ATF7IP2: variants seen among roughly 807,000 people sequenced by gnomAD.
ATF7IP2 encodes the protein activating transcription factor 7-interacting protein 2.
Under a neutral mutation model 64.2 loss-of-function variants are expected in ATF7IP2, and 42 were observed. The ratio of observed to expected loss-of-function variants is 0.65; its 90% confidence interval spans 0.51 to 0.85. The LOEUF (loss-of-function observed/expected upper bound fraction) is 0.85, where lower values mean the gene tolerates loss of function less well. Among genes scored for constraint, ATF7IP2 ranks in the 40% least tolerant of loss-of-function variants. The probability of loss-of-function intolerance (pLI) is 0.00; values close to 1 mark genes in which losing one functional copy is unlikely to be tolerated. For synonymous variants in ATF7IP2, 308 were observed against 272.8 expected (o/e 1.13, Z -1.27); for missense variants, 933 against 784.2 (o/e 1.19, Z -2.27).
intron 9 of ATF7IP2, among the ~76,000 whole-genome samples, chr16:10,464,819 T>G (rs895036711): frequency 6.6e-6 from 1 of 152,114 alleles, no homozygotes; most frequent in African/African-American, 2.4e-5. Flanking sequence ...ATTCTTTTGT[T>G]GCTGCTGTTG....
intron 6 of ATF7IP2, among the ~76,000 whole-genome samples, chr16:10,434,242 G>A (rs142924062): frequency 2.9e-4 from 44 of 152,242 alleles, no homozygotes; most frequent in East Asian, 2.7e-3. Flanking sequence ...CTCAGTATGC[G>A]TTTGATCAAT....
At chr16:10,471,442 C>T (rs763114347) in intron 9 of ATF7IP2, among the ~76,000 whole-genome samples, 7 of 152,148 alleles carry the variant, frequency 4.6e-5, no homozygotes, top group African/African-American at 1.2e-4. Flanking sequence ...GCAGGAGAAT[C>T]GCTTGAACCT....
chr16:10,449,063 G>C (rs1402233329), intron 8 of ATF7IP2: 1 of 152,178 alleles, frequency 6.6e-6, no homozygotes, highest in Admixed American at 6.5e-5. Context: ...CATCTATTGA[G>C]ATAATCATGT....
chr16:10,459,311 A>G (rs970634743), intron 9 of ATF7IP2, among the ~76,000 whole-genome samples: 10 of 152,030 alleles, frequency 6.6e-5, no homozygotes, highest in African/African-American at 2.2e-4. Context: ...TACTAAAAAT[A>G]TAAAAAATTA....
chr16:10,423,981 G>A (rs1203428696), intron 3 of ATF7IP2, among the ~76,000 whole-genome samples: 4 of 152,228 alleles, frequency 2.6e-5, no homozygotes, highest in Non-Finnish European at 5.9e-5. Flanking sequence ...CTTCATAGCT[G>A]AGAGCCACGA....
Position 10,482,271 on chromosome 16 carries a change from C to CTACT in ATF7IP2, c.*24_*27dup, listed in dbSNP as rs2050265508. On this transcript the variant is annotated 3_prime_UTR_variant, in exon 14 of 14. Coordinates refer to ENST00000562102, the MANE Select transcript of ATF7IP2 (RefSeq NM_001393719.1). ...GTAAAAGGTGTTTAATAATGATATACTACTTTTTTTTTCATATTTGTTTGT... is the reference window on the plus strand; with the variant it reads ...GTAAAAGGTGTTTAATAATGATATACTACTTACTTTTTTTTTCATATTTGTTTGT... The CTACT allele has an allele frequency of 6.7e-7, 1 of 1,495,778 alleles. No homozygotes were observed. Among genetic ancestry groups the CTACT allele is most frequent in the South Asian group, 1.3e-5 (1 of 77,682 alleles). The allele number at this position is 1,495,778 out of a possible 1,614,324, so 92.7% of individuals were successfully genotyped here. A position where few individuals can be genotyped will look rare whatever the true frequency, so the allele number is the denominator to read the frequency against.
chr16:10,440,552 C>T, intron 8 of ATF7IP2, 90 bp downstream of exon 8: 2 of 772,470 alleles, frequency 2.6e-6, no homozygotes, highest in African/African-American at 3.7e-5. Flanking sequence ...CAGGCTAGGA[C>T]AGAAGGTGTA....
intron 12 of ATF7IP2, among the ~76,000 whole-genome samples, chr16:10,479,692 C>T (rs1233962218): frequency 6.6e-6 from 1 of 151,516 alleles, no homozygotes; most frequent in East Asian, 1.9e-4. Context: ...CATGAGCAGA[C>T]ATTTCTCAAA....
At chr16:10,394,486 G>A (rs1359609299) in intron 1 of ATF7IP2, among the ~76,000 whole-genome samples, 1 of 152,218 alleles carries the variant, frequency 6.6e-6, no homozygotes, top group Non-Finnish European at 1.5e-5. Context: ...GAGGAAATCA[G>A]TGAGACAAGA....
chr16:10,399,117 G>GA (rs57209878), intron 1 of ATF7IP2, among the ~76,000 whole-genome samples: 81,694 of 150,854 alleles, frequency 0.54, 22,117 homozygotes, highest in Admixed American at 0.56. Flanking sequence ...CAGACTAAAA[G>GA]AAAAAAAAAG....
At chr16:10,470,609 C>T (rs1207310917) in intron 9 of ATF7IP2, among the ~76,000 whole-genome samples, 6 of 151,756 alleles carry the variant, frequency 4.0e-5, no homozygotes, top group African/African-American at 1.5e-4. Context: ...CATAAAAAAA[C>T]ATTTTTAAAA....
chr16:10,395,331 A>T (rs929577482), intron 1 of ATF7IP2, among the ~76,000 whole-genome samples: 1 of 152,168 alleles, frequency 6.6e-6, no homozygotes, highest in African/African-American at 2.4e-5. Flanking sequence ...CAAAATGAAA[A>T]GCCCCAAATC....
At chr16:10,426,289 C>T (rs1006416836) in intron 3 of ATF7IP2, among the ~76,000 whole-genome samples, 2 of 152,150 alleles carry the variant, frequency 1.3e-5, no homozygotes, top group African/African-American at 4.8e-5. Flanking sequence ...GTAGGGATCC[C>T]CAATTAGTTT....
In ATF7IP2 at chr16:10,430,991, A is replaced by C; in HGVS notation, c.371A>C (p.Glu124Ala). 1 of 1,614,206 alleles carries C rather than the reference A, an allele frequency of 6.2e-7. No individual in the cohort carries two copies. Among genetic ancestry groups the C allele is most frequent in the Non-Finnish European group, 8.5e-7 (1 of 1,180,042 alleles). ...CSYQKPSRTTESPSRVFTEEA... is the reference protein window; with the variant it reads ...CSYQKPSRTTASPSRVFTEEA... ...TACCAAAAGCCAAGTAGAACAACAG[A>C]ATCCCCCAGCAGAGTCTTCACAGAA... Residue 124 changes from glutamate (E) to alanine (A), a missense_variant, in exon 5 of 14, where the codon GAA (glutamate) becomes GCA (alanine). Glu to Ala is a moderately radical substitution (Grantham distance 107, BLOSUM62 -1). Coordinates refer to ENST00000562102, the MANE Select transcript of ATF7IP2 (RefSeq NM_001393719.1).
At chr16:10,391,451 A>C (rs2047321220) in intron 1 of ATF7IP2, among the ~76,000 whole-genome samples, 1 of 152,150 alleles carries the variant, frequency 6.6e-6, no homozygotes, top group African/African-American at 2.4e-5. Context: ...TATGGCAGGA[A>C]ATTATGAAAT....
chr16:10,468,068 C>T (rs562352791), intron 9 of ATF7IP2, among the ~76,000 whole-genome samples: 5 of 149,260 alleles, frequency 3.3e-5, no homozygotes, highest in African/African-American at 9.9e-5. Context: ...TTAGTAGAGA[C>T]GGGGTTTCTC....
intron 5 of ATF7IP2, among the ~76,000 whole-genome samples, chr16:10,432,620 G>C (rs2048293859): frequency 2.0e-5 from 3 of 152,234 alleles, no homozygotes; most frequent in Admixed American, 2.0e-4. Context: ...TACAATCCCA[G>C]CACTTTGGAA....
At chr16:10,470,559 G>A (rs1312249336) in intron 9 of ATF7IP2, among the ~76,000 whole-genome samples, 4 of 151,994 alleles carry the variant, frequency 2.6e-5, no homozygotes, top group Non-Finnish European at 5.9e-5. Context: ...CAGGGCAGGA[G>A]GATCACTTGA....
chr16:10,482,001 A>G lies in ATF7IP2; in HGVS notation c.1801A>G (p.Ile601Val). Residue 601 changes from isoleucine (I) to valine (V), a missense_variant, in exon 14 of 14, where the codon ATC becomes GTC. Physicochemically the swap from Ile to Val is conservative, Grantham distance 29 (BLOSUM62 3). Coordinates refer to ENST00000562102, the MANE Select transcript of ATF7IP2 (RefSeq NM_001393719.1). The part of the protein sequence containing the change: ...GIALTWNITK[I>V]NPKCAPVESY... ...TGCCCTGACTTGGAATATAACCAAA[A>G]TCAATCCCAAGTGTGCTCCTGTAGA... 1.2e-6 allele frequency: 2 copies of G among 1,614,064 alleles called. No individual in the cohort carries two copies. The highest frequency in any genetic ancestry group is 8.5e-7 in the Non-Finnish European group (1 of 1,179,990).
Sources: gnomAD v4.1 joint callset for allele counts (sites outside exome capture counted in the v4.1 genomes callset) on GRCh38, gnomAD v4.1.1 for gene constraint, MANE v1.5 for transcripts, NCBI Gene and HGNC (gene_info 2026-07-23, HGNC 2026-07-21) for gene names.